The following ACRV1 variants were observed in gnomAD, a reference collection of about 807,000 sequenced individuals.
ACRV1 encodes acrosomal protein SP-10.
ACRV1 carries 17 observed loss-of-function variants against 29.2 expected under a neutral mutation model. That is an observed-to-expected ratio of 0.58 (90% CI 0.40 to 0.87). The LOEUF (loss-of-function observed/expected upper bound fraction) is 0.87, where lower values mean the gene tolerates loss of function less well. Among genes scored for constraint, ACRV1 ranks in the 40% least tolerant of loss-of-function variants. ACRV1 has a pLI of 0.00. For synonymous variants in ACRV1, 98 were observed against 111.6 expected (o/e 0.88, Z 0.77); for missense variants, 294 against 316.0 (o/e 0.93, Z 0.53).
intron 3 of ACRV1, among the ~76,000 whole-genome samples, chr11:125,673,297 C>A (rs1041944560): frequency 2.6e-5 from 4 of 151,868 alleles, no homozygotes; most frequent in Non-Finnish European, 5.9e-5. Context: ...CTCCACCTCC[C>A]AGGTTCAAGC....
chr11:125,673,448 A>G (rs1380435173), intron 3 of ACRV1, among the ~76,000 whole-genome samples: 1 of 147,878 alleles, frequency 6.8e-6, no homozygotes, highest in African/African-American at 2.5e-5. Flanking sequence ...TGATCCGCCC[A>G]CCTCAGCCTC....
In ACRV1 at chr11:125,672,732, G is replaced by T. The variant is rs375301897; in HGVS notation, c.674-15C>A. 1.6e-5 allele frequency: 26 copies of T among 1,613,618 alleles called. No homozygotes were observed. Among genetic ancestry groups the T allele is most frequent in the African/African-American group, 2.7e-5 (2 of 74,906 alleles). ...GAGTTTTCCACCTGAAAGGAGCAGA[G>T]ACAGACTAGTGAGCAGAAAGCTTCG... On this transcript the variant is annotated splice_polypyrimidine_tract_variant and intron_variant, in intron 3 of 3. Coordinates refer to ENST00000533904, the MANE Select transcript of ACRV1 (RefSeq NM_001612.6).
chr11:125,680,558 T>C lies in ACRV1; in HGVS notation c.52+171A>G, dbSNP rs538715056. 1.7e-4 allele frequency among the ~76,000 whole-genome samples: 26 copies of C among 152,278 alleles called. No homozygotes were observed. In the South Asian group the frequency reaches 2.7e-3, roughly 16 times the overall value. ...GACCCTCTGACTGTAAAGCTATGAC[T>C]AGAGAAATCAACTGGTTCAGGAGCT... is the stretch of plus-strand genomic sequence containing the variant. On this transcript the variant is annotated intron_variant, in intron 1 of 3. Coordinates refer to ENST00000533904, the MANE Select transcript of ACRV1 (RefSeq NM_001612.6).
chr11:125,675,316 T>C (rs1216685438), intron 3 of ACRV1, among the ~76,000 whole-genome samples: 2 of 152,242 alleles, frequency 1.3e-5, no homozygotes, highest in African/African-American at 4.8e-5. Flanking sequence ...TGTGCCTTTC[T>C]TAAGACACAA....
At chr11:125,676,270 T>A in intron 3 of ACRV1, 89 bp downstream of exon 3, 1 of 1,488,692 alleles carries the variant, frequency 6.7e-7, no homozygotes, top group Non-Finnish European at 9.2e-7. Flanking sequence ...CTTGATTCTT[T>A]CCTGGGCCCC....
At chr11:125,679,308 C>G (rs1300791770) in intron 1 of ACRV1, among the ~76,000 whole-genome samples, 1 of 148,046 alleles carries the variant, frequency 6.8e-6, no homozygotes, top group Admixed American at 7.0e-5. Context: ...ACCTCCGCCT[C>G]CCGGGTTCAA....
chr11:125,678,978 T>TTATATTTATATATATATATA (rs1555078668), intron 1 of ACRV1, among the ~76,000 whole-genome samples: 2 of 88,430 alleles, frequency 2.3e-5, no homozygotes, highest in African/African-American at 4.3e-5. Context: ...TCTAGGCATA[T>TTATATTTATATATATATATA]TATATATATA....
At position 125,678,031 on chromosome 11, in the gene ACRV1, C is replaced by T. The variant is rs1411588983; in HGVS notation, c.319G>A (p.Glu107Lys). ...GAAGGCTGCTCACCTACAGTATGCT[C>T]ACCTTCAGCATGTTCAGTCGCAGCG... The part of the protein sequence containing the change: ...EPAATEHAEG[E>K]HTVGEQPSGE... Residue 107 changes from glutamate to lysine, a missense_variant, in exon 2 of 4, where the codon GAG becomes AAG. Glu to Lys is a moderately conservative substitution (Grantham distance 56). Coordinates refer to ENST00000533904, the MANE Select transcript of ACRV1 (RefSeq NM_001612.6). 1.2e-6 allele frequency: 2 copies of T among 1,614,036 alleles called. No individual in the cohort carries two copies. The highest frequency in any genetic ancestry group is 1.7e-6 in the Non-Finnish European group (2 of 1,180,038).
rs1368710758 is a variant in ACRV1 at position 125,680,812 on chromosome 11, G to A, written c.-32C>T. ...TTAGGAAAAGAGGGGACCCCAGTGT[G>A]GGCCACAGCTTCTTCACAGAGCTAT... is the stretch of plus-strand genomic sequence containing the variant. On this transcript the variant is annotated 5_prime_UTR_variant, in exon 1 of 4. Transcript: ENST00000533904. 2 of 1,586,960 alleles carry A rather than the reference G, an allele frequency of 1.3e-6. No homozygotes were observed. The highest frequency in any genetic ancestry group is 1.7e-6 in the Non-Finnish European group (2 of 1,156,334).
intron 2 of ACRV1, 111 bp downstream of exon 2, chr11:125,677,686 A>G: frequency 1.4e-6 from 2 of 1,393,024 alleles, no homozygotes; most frequent in Non-Finnish European, 9.9e-7. Flanking sequence ...CTGTTTGTGA[A>G]GTGTTAACAA....
At chr11:125,679,403 A>G (rs982552172) in intron 1 of ACRV1, among the ~76,000 whole-genome samples, 1 of 151,946 alleles carries the variant, frequency 6.6e-6, no homozygotes. Context: ...TTTTTAGTAG[A>G]GACAGGGTCT....
intron 2 of ACRV1, among the ~76,000 whole-genome samples, chr11:125,677,108 C>T (rs966887664): frequency 6.6e-6 from 1 of 152,164 alleles, no homozygotes; most frequent in African/African-American, 2.4e-5. Context: ...CCAAAGTTTG[C>T]CACTTTCTAG....
intron 1 of ACRV1, among the ~76,000 whole-genome samples, chr11:125,680,360 C>T (rs1035585942): frequency 2.2e-4 from 34 of 152,288 alleles, no homozygotes; most frequent in East Asian, 5.8e-4. Context: ...TTCCCATCTC[C>T]CATCTTTCCT....
intron 3 of ACRV1, among the ~76,000 whole-genome samples, chr11:125,673,404 T>C (rs1313035091): frequency 3.3e-5 from 5 of 152,016 alleles, no homozygotes; most frequent in African/African-American, 1.2e-4. Flanking sequence ...GGTTTCACCA[T>C]GTTGGTCAGG....
chr11:125,680,585 T>C, intron 1 of ACRV1, 144 bp downstream of exon 1: 1 of 699,850 alleles, frequency 1.4e-6, no homozygotes, highest in Admixed American at 2.4e-5. Flanking sequence ...TCAGGAGCTC[T>C]CCGAGTTGGA....
At chr11:125,679,256 T>A (rs1240647823) in intron 1 of ACRV1, among the ~76,000 whole-genome samples, 1 of 144,582 alleles carries the variant, frequency 6.9e-6, no homozygotes, top group Non-Finnish European at 1.5e-5. Flanking sequence ...CTCGCTCTGT[T>A]GCCCAGGCTG....
Position 125,674,053 on chromosome 11 carries a change from A to C in ACRV1, c.674-1336T>G, listed in dbSNP as rs138996468. ...GTGATCCCAGCTACTCAGGAGGGTGAGGCAGGAGAATCGCTGGGGGGCAGA... is the reference window on the plus strand; with the variant it reads ...GTGATCCCAGCTACTCAGGAGGGTGCGGCAGGAGAATCGCTGGGGGGCAGA... On this transcript the variant is annotated intron_variant, in intron 3 of 3. Transcript: ENST00000533904. 8.7e-4 allele frequency among the ~76,000 whole-genome samples: 133 copies of C among 152,198 alleles called. 1 individual carries two copies. In the East Asian group the frequency reaches 0.019, roughly 22 times the overall value.
At chr11:125,679,590 A>G in intron 1 of ACRV1, among the ~76,000 whole-genome samples, 1 of 152,240 alleles carries the variant, frequency 6.6e-6, no homozygotes, top group African/African-American at 2.4e-5. Flanking sequence ...CACAAAACAG[A>G]TAATTTGATT....
chr11:125,672,800 T>C, intron 3 of ACRV1, 83 bp from the exon 4 acceptor site: 2 of 1,542,140 alleles, frequency 1.3e-6, no homozygotes, highest in South Asian at 1.2e-5. Context: ...AGTGTCTCCA[T>C]GCAGGATGGT....
Sources: allele counts gnomAD v4.1 joint callset (sites outside exome capture counted in the v4.1 genomes callset), GRCh38; gene constraint gnomAD v4.1.1; transcripts MANE v1.5; gene names NCBI Gene and HGNC (gene_info 2026-07-23, HGNC 2026-07-21).